Variants in SHPRH observed in about 807,000 individuals in gnomAD.
SHPRH encodes SNF2 histone linker PHD RING helicase, also known as E3 ubiquitin-protein ligase SHPRH.
Under a neutral mutation model 202.5 loss-of-function variants are expected in SHPRH, and 106 were observed. The observed-to-expected ratio is 0.52, with a 90% CI of 0.45 to 0.62. SHPRH has a LOEUF of 0.62. SHPRH is among the 20% of genes least tolerant of loss of function. SHPRH has a pLI of 0.00. For synonymous variants in SHPRH, 729 were observed against 686.0 expected (o/e 1.06, Z -0.98); for missense variants, 1,710 against 2,020.0 (o/e 0.85, Z 2.94).
At chr6:145,892,339 C>T (rs1647887211) in intron 28 of SHPRH, among the ~76,000 whole-genome samples, 2 of 152,092 alleles carry the variant, frequency 1.3e-5, no homozygotes, top group South Asian at 2.1e-4. Flanking sequence ...CTGTAGGGCC[C>T]GAGTGATCAT....
chr6:145,904,865 C>T (rs1782815645), intron 25 of SHPRH: 1 of 152,044 alleles, frequency 6.6e-6, no homozygotes, highest in Non-Finnish European at 1.5e-5. Context: ...AATCAATACT[C>T]ATGAAAGACA....
intron 28 of SHPRH, among the ~76,000 whole-genome samples, chr6:145,891,387 T>C (rs939170415): frequency 5.9e-5 from 9 of 152,204 alleles, no homozygotes; most frequent in African/African-American, 2.2e-4. Flanking sequence ...GCTCAGACTT[T>C]CTCAATAAGG....
At chr6:145,925,694 TAAC>T (rs1214065588) in intron 16 of SHPRH, among the ~76,000 whole-genome samples, 2 of 152,066 alleles carry the variant, frequency 1.3e-5, no homozygotes, top group Middle Eastern at 3.4e-3. Context: ...AATAAGCTAT[TAAC>T]AATTTATAGT....
rs751062740 is a variant in SHPRH at position 145,952,522 on chromosome 6, T to C, written c.634-44A>G. The C allele has an allele frequency of 7.0e-6, 11 of 1,563,594 alleles. No individual in the cohort carries two copies. The South Asian group carries it at 9.7e-5, about 14-fold the overall frequency. On this transcript the variant is annotated intron_variant, in intron 2 of 29. Transcript: ENST00000275233. ...AATAAAAGTAGTTTCATTTGAAATA[T>C]ACCATTCTTTATGAGGACATAAGCA... is the stretch of plus-strand genomic sequence containing the variant.
intron 2 of SHPRH, among the ~76,000 whole-genome samples, chr6:145,866,718 A>G (rs1779797005): frequency 1.3e-5 from 2 of 152,194 alleles, no homozygotes; most frequent in East Asian, 3.8e-4. Context: ...GTGGTTTCCA[A>G]TTCCAGGGAG....
intron 2 of SHPRH, among the ~76,000 whole-genome samples, chr6:145,877,348 T>C (rs1177293203): frequency 2.0e-5 from 3 of 152,180 alleles, no homozygotes; most frequent in East Asian, 3.8e-4. Flanking sequence ...TGACTATAGT[T>C]CAGGGACTAA....
At chr6:145,911,458 G>A (rs749456772) in intron 24 of SHPRH, among the ~76,000 whole-genome samples, 5 of 151,976 alleles carry the variant, frequency 3.3e-5, no homozygotes, top group Non-Finnish European at 5.9e-5. Flanking sequence ...TGTCCTATTC[G>A]GGAAAAATAA....
At chr6:145,877,561 C>T (rs1780358591) in intron 2 of SHPRH, 1 of 152,154 alleles carries the variant, frequency 6.6e-6, no homozygotes, top group Non-Finnish European at 1.5e-5. Context: ...TCGAAATTGC[C>T]CTGCAAAGTC....
At chr6:145,950,529 TAACTA>T in intron 3 of SHPRH, 47 bp from the exon 4 acceptor site, 1 of 1,548,518 alleles carries the variant, frequency 6.5e-7, no homozygotes. Flanking sequence ...AGGTTTTTTC[TAACTA>T]TAAGCAATTC....
At position 145,941,701 on chromosome 6, in the gene SHPRH, G is replaced by A; in HGVS notation, c.2412C>T (p.Ile804=). The change falls in exon 10 of 30, where the codon ATC becomes ATT. Residue 804 remains isoleucine (I), a synonymous_variant. Transcript: ENST00000275233. ...ACTCCACAGCTACCAGGGGGCTCGG[G>A]ATAGCCATATAGCGCTTCTGGTTCC... ...RLRNQKRYMA[I]PSPLVAVEWW... is the part of the protein sequence containing the mutation. The A allele has an allele frequency of 6.2e-7, 1 of 1,613,970 alleles. No homozygotes were observed. Among genetic ancestry groups the A allele is most frequent in the South Asian group, 1.1e-5 (1 of 91,074 alleles).
intron 16 of SHPRH, among the ~76,000 whole-genome samples, chr6:145,925,537 G>A (rs796813250): frequency 1.3e-4 from 20 of 151,710 alleles, no homozygotes; most frequent in African/African-American, 4.8e-4. Context: ...CAAAAAGGCT[G>A]TGCTTATTTA....
At chr6:145,867,615 TATATATATATATATATAG>T (rs1413570596) in intron 2 of SHPRH, among the ~76,000 whole-genome samples, 1 of 66,928 alleles carries the variant, frequency 1.5e-5, no homozygotes, top group Non-Finnish European at 2.7e-5. Context: ...TATATATATA[TATATATATATATATATAG>T]AGAGAGAGAG....
chr6:145,857,980 AG>A, the SHPRH span, among the ~76,000 whole-genome samples: 1 of 152,182 alleles, frequency 6.6e-6, no homozygotes, highest in South Asian at 2.1e-4. Flanking sequence ...CAATATCATT[AG>A]TTATAGGGAA....
chr6:145,903,251 T>C (rs1782655972), intron 25 of SHPRH: 1 of 151,856 alleles, frequency 6.6e-6, no homozygotes, highest in Admixed American at 6.6e-5. Flanking sequence ...ATAATCAGTT[T>C]TTTTCACTCA....
At chr6:145,932,074 T>C (rs368120846) in intron 14 of SHPRH, among the ~76,000 whole-genome samples, 1 of 152,136 alleles carries the variant, frequency 6.6e-6, no homozygotes, top group Admixed American at 6.5e-5. Context: ...TCTAATCTTC[T>C]ATTTATTAAG....
At chr6:145,933,684 T>C (rs562991307) in intron 13 of SHPRH, among the ~76,000 whole-genome samples, 1 of 152,354 alleles carries the variant, frequency 6.6e-6, no homozygotes, top group South Asian at 2.1e-4. Flanking sequence ...ATTTACTATG[T>C]TCACTTCATA....
At chr6:145,919,708 T>C (rs900096253) in intron 21 of SHPRH, among the ~76,000 whole-genome samples, 12 of 152,170 alleles carry the variant, frequency 7.9e-5, no homozygotes, top group African/African-American at 2.7e-4. Context: ...AGTAACAGAA[T>C]ATAAAGATTT....
At chr6:145,921,432 A>G in intron 20 of SHPRH, 40 bp from the exon 21 acceptor site, 2 of 1,577,948 alleles carry the variant, frequency 1.3e-6, no homozygotes, top group Non-Finnish European at 1.7e-6. Context: ...AACTGGTATC[A>G]GTGAGTGAAA....
At chr6:145,940,180 T>C (rs889606877) in intron 11 of SHPRH, among the ~76,000 whole-genome samples, 1 of 152,078 alleles carries the variant, frequency 6.6e-6, no homozygotes, top group African/African-American at 2.4e-5. Flanking sequence ...AATGCTCAAG[T>C]AAAGGAATGG....
Sources: allele counts gnomAD v4.1 joint callset (sites outside exome capture counted in the v4.1 genomes callset), GRCh38; gene constraint gnomAD v4.1.1; transcripts MANE v1.5; gene names NCBI Gene and HGNC (gene_info 2026-07-23, HGNC 2026-07-21).